CCSER1: variants seen among roughly 807,000 people sequenced by gnomAD.
The protein encoded by CCSER1 is coiled-coil serine rich protein 1.
Under a neutral mutation model 82.0 loss-of-function variants are expected in CCSER1, and 41 were observed. That is an observed-to-expected ratio of 0.50 (90% confidence interval 0.39 to 0.65). The LOEUF (loss-of-function observed/expected upper bound fraction) is 0.65, where lower values mean the gene tolerates loss of function less well. Ranked by LOEUF, CCSER1 falls within the 30% of genes least tolerant of loss-of-function variation. The pLI, the probability that CCSER1 is intolerant of heterozygous loss-of-function variation, is 0.00. For synonymous variants in CCSER1, 414 were observed against 383.9 expected (o/e 1.08, Z -0.92); for missense variants, 1,119 against 1,064.2 (o/e 1.05, Z -0.72).
Position 90,342,665 on chromosome 4 carries a change from G to A in CCSER1, c.1509+29618G>A, listed in dbSNP as rs149962557. ...CCCTCTGTCACCTGCTCATTTTCCC[G>A]TAATAGTTAATCACTCTGAAATAAT... On this transcript the variant is annotated intron_variant, in intron 3 of 10. Transcript: ENST00000509176. Among the ~76,000 whole-genome samples the A allele has an allele frequency of 4.6e-5, 7 of 152,118 alleles. No homozygotes were observed. In the East Asian group the frequency reaches 7.7e-4, roughly 17 times the overall value.
chr4:90,620,124 C>A (rs1722039777), intron 5 of CCSER1, among the ~76,000 whole-genome samples: 1 of 152,016 alleles, frequency 6.6e-6, no homozygotes, highest in Non-Finnish European at 1.5e-5. Context: ...AAATTTTGGA[C>A]AAGGAAACTA....
chr4:91,531,590 T>G (rs1398750643), intron 10 of CCSER1, among the ~76,000 whole-genome samples: 4 of 152,192 alleles, frequency 2.6e-5, no homozygotes, highest in African/African-American at 9.6e-5. Flanking sequence ...AGTCCATTCC[T>G]GCTGCTATAA....
intron 8 of CCSER1, among the ~76,000 whole-genome samples, chr4:90,907,744 T>TA (rs1432513280): frequency 6.6e-6 from 1 of 152,134 alleles, no homozygotes. Flanking sequence ...TTTTTTTTCT[T>TA]ACTTTCTTTT....
At chr4:90,354,943 A>C (rs1192575855) in intron 3 of CCSER1, among the ~76,000 whole-genome samples, 1 of 151,996 alleles carries the variant, frequency 6.6e-6, no homozygotes, top group Non-Finnish European at 1.5e-5. Context: ...ATAAATTTCT[A>C]TCTTAATACA....
intron 9 of CCSER1, among the ~76,000 whole-genome samples, chr4:90,933,226 C>T (rs1377127126): frequency 6.7e-6 from 1 of 148,852 alleles, no homozygotes; most frequent in African/African-American, 2.5e-5. Flanking sequence ...CTCGCTCTGT[C>T]GCCGAGGCTG....
At chr4:90,583,958 G>A (rs1781703762) in intron 5 of CCSER1, among the ~76,000 whole-genome samples, 1 of 151,144 alleles carries the variant, frequency 6.6e-6, no homozygotes, top group Non-Finnish European at 1.5e-5. Context: ...AATATAAAAG[G>A]TACAATTTAA....
chr4:91,207,823 T>G (rs2149078908), intron 10 of CCSER1, among the ~76,000 whole-genome samples: 1 of 152,098 alleles, frequency 6.6e-6, no homozygotes, highest in Middle Eastern at 3.4e-3. Flanking sequence ...TCCCCAATGG[T>G]TGAACTAATT....
chr4:90,915,695 T>C (rs1469921028), intron 8 of CCSER1, among the ~76,000 whole-genome samples: 1 of 142,648 alleles, frequency 7.0e-6, no homozygotes, highest in Admixed American at 7.2e-5. Flanking sequence ...AAATAAAGGG[T>C]ATTCAATTAG....
intron 10 of CCSER1, among the ~76,000 whole-genome samples, chr4:91,279,737 A>G (rs946781712): frequency 6.6e-6 from 1 of 151,996 alleles, no homozygotes; most frequent in Admixed American, 6.6e-5. Flanking sequence ...ATTTTTCTGG[A>G]ATTTCACAAA....
chr4:90,793,389 G>C (rs911958970), intron 7 of CCSER1, among the ~76,000 whole-genome samples: 1 of 152,178 alleles, frequency 6.6e-6, no homozygotes, highest in African/African-American at 2.4e-5. Flanking sequence ...ATGTGTCCAT[G>C]TGTTCTTATC....
At chr4:90,923,753 T>A (rs540298306) in intron 9 of CCSER1, among the ~76,000 whole-genome samples, 5 of 152,344 alleles carry the variant, frequency 3.3e-5, no homozygotes, top group Admixed American at 3.3e-4. Flanking sequence ...AATTTATTTT[T>A]TAAGAAAATA....
intron 9 of CCSER1, among the ~76,000 whole-genome samples, chr4:90,973,784 T>C (rs972177279): frequency 1.3e-5 from 2 of 151,302 alleles, no homozygotes; most frequent in Non-Finnish European, 3.0e-5. Flanking sequence ...GATGAATGGA[T>C]AAAGAAACTG....
chr4:90,726,545 T>C (rs186684857), intron 7 of CCSER1, among the ~76,000 whole-genome samples: 250 of 152,186 alleles, frequency 1.6e-3, no homozygotes, highest in African/African-American at 5.8e-3. Context: ...ATCAAATGTT[T>C]ATTTTTTCCA....
intron 1 of CCSER1, among the ~76,000 whole-genome samples, chr4:90,265,414 A>C (rs1037679368): frequency 2.6e-5 from 4 of 151,876 alleles, no homozygotes; most frequent in Non-Finnish European, 4.4e-5. Flanking sequence ...TAAATGATCA[A>C]ATTTCACTAG....
At chr4:90,756,598 G>A (rs535086839) in intron 7 of CCSER1, among the ~76,000 whole-genome samples, 169 of 152,146 alleles carry the variant, frequency 1.1e-3, no homozygotes, top group African/African-American at 3.8e-3. Flanking sequence ...TGTGTCATAT[G>A]CCAAATAGCC....
intron 10 of CCSER1, among the ~76,000 whole-genome samples, chr4:91,243,355 A>G (rs1327498085): frequency 1.3e-5 from 2 of 152,204 alleles, no homozygotes; most frequent in Non-Finnish European, 2.9e-5. Context: ...TGCAATTTCT[A>G]GGCAACTTGT....
intron 10 of CCSER1, among the ~76,000 whole-genome samples, chr4:91,218,018 G>C (rs1487089120): frequency 1.3e-5 from 2 of 152,224 alleles, no homozygotes; most frequent in East Asian, 3.9e-4. Context: ...CGTGGAGCAG[G>C]GGGTGGTGCT....
chr4:91,144,788 T>C (rs1309633458), intron 10 of CCSER1, among the ~76,000 whole-genome samples: 3 of 152,060 alleles, frequency 2.0e-5, no homozygotes, highest in Non-Finnish European at 4.4e-5. Context: ...GCTCTTCATA[T>C]TGATTTCTAG....
rs1225757168 is a variant in CCSER1 at position 90,552,648 on chromosome 4, G to T, written c.1725-75377G>T. 3.3e-5 allele frequency among the ~76,000 whole-genome samples: 5 copies of T among 151,950 alleles called. No individual in the cohort carries two copies. In the East Asian group the frequency reaches 9.7e-4, roughly 29 times the overall value. On this transcript the variant is annotated intron_variant, in intron 5 of 10. Coordinates refer to ENST00000509176, the MANE Select transcript of CCSER1 (RefSeq NM_001145065.2). ...TTTTTTGTATTTTTGATGGAAATGGGTTTTTGCCGTGTTGCCCAGGCTGAT... is the reference window on the plus strand; with the variant it reads ...TTTTTTGTATTTTTGATGGAAATGGTTTTTTGCCGTGTTGCCCAGGCTGAT...
Sources: gnomAD v4.1 joint callset for allele counts (sites outside exome capture counted in the v4.1 genomes callset) on GRCh38, gnomAD v4.1.1 for gene constraint, MANE v1.5 for transcripts, NCBI Gene and HGNC (gene_info 2026-07-23, HGNC 2026-07-21) for gene names.